Variants in SFXN5 observed in about 807,000 individuals in gnomAD.
SFXN5 encodes sideroflexin-5.
Under a neutral mutation model 50.2 loss-of-function variants are expected in SFXN5, and 43 were observed. That is an observed-to-expected ratio of 0.86 (90% confidence interval 0.67 to 1.11). The LOEUF (loss-of-function observed/expected upper bound fraction) is 1.11. Among genes scored for constraint, SFXN5 ranks in the 50% least tolerant of loss-of-function variants. The pLI, the probability that SFXN5 is intolerant of heterozygous loss-of-function variation, is 0.00. For synonymous variants in SFXN5, 203 were observed against 185.8 expected, an observed-to-expected ratio of 1.09 and a Z score of -0.75; for missense variants, 463 against 454.1, an observed-to-expected ratio of 1.02 and a Z score of -0.18.
At chr2:72,968,934 C>G (rs1177002811) in intron 11 of SFXN5, among the ~76,000 whole-genome samples, 1 of 151,988 alleles carries the variant, frequency 6.6e-6, no homozygotes, top group African/African-American at 2.4e-5. Context: ...TCCCGAGTAG[C>G]TGGGATTACA....
intron 6 of SFXN5, among the ~76,000 whole-genome samples, chr2:73,008,896 G>T (rs1022072169): frequency 4.6e-5 from 7 of 152,276 alleles, no homozygotes; most frequent in Admixed American, 3.3e-4. Flanking sequence ...ACCAGCCTCT[G>T]GGAGAAAACC....
At chr2:73,051,045 GTTCT>G (rs1681248760) in intron 2 of SFXN5, among the ~76,000 whole-genome samples, 1 of 152,070 alleles carries the variant, frequency 6.6e-6, no homozygotes, top group East Asian at 1.9e-4. Context: ...ATTTGGCCAA[GTTCT>G]TTGTCACTGT....
intron 1 of SFXN5, among the ~76,000 whole-genome samples, chr2:73,065,531 T>G (rs998205808): frequency 6.6e-6 from 1 of 152,196 alleles, no homozygotes; most frequent in Non-Finnish European, 1.5e-5. Context: ...CCTGAGTAGC[T>G]GGGATTATAG....
intron 3 of SFXN5, among the ~76,000 whole-genome samples, chr2:73,036,746 G>A (rs1442309940): frequency 6.6e-6 from 1 of 152,220 alleles, no homozygotes; most frequent in Non-Finnish European, 1.5e-5. Flanking sequence ...AGGCCATAGA[G>A]GCAGGACCCA....
intron 6 of SFXN5, among the ~76,000 whole-genome samples, chr2:73,007,700 G>A (rs920625103): frequency 2.0e-5 from 3 of 151,998 alleles, no homozygotes; most frequent in African/African-American, 4.8e-5. Context: ...ACACTGACTC[G>A]CTCAACTCCA....
chr2:73,005,802 C>T (rs2105730993), intron 6 of SFXN5, among the ~76,000 whole-genome samples: 1 of 152,234 alleles, frequency 6.6e-6, no homozygotes, highest in Non-Finnish European at 1.5e-5. Flanking sequence ...CAAAGCTGGG[C>T]CCACACCCCA....
chr2:72,949,170 G>A (rs531580989), intron 13 of SFXN5, among the ~76,000 whole-genome samples: 25 of 152,156 alleles, frequency 1.6e-4, no homozygotes, highest in Non-Finnish European at 2.6e-4. Context: ...TCTGGGAGGC[G>A]GGGCAATGTT....
chr2:73,071,490 C>A, intron 1 of SFXN5, 114 bp downstream of exon 1: 1 of 936,172 alleles, frequency 1.1e-6, no homozygotes, highest in South Asian at 1.6e-5. Context: ...GCGCTAGCTG[C>A]AGGCTCCGCT....
chr2:73,006,142 A>G (rs1674606988), intron 6 of SFXN5, among the ~76,000 whole-genome samples: 2 of 151,686 alleles, frequency 1.3e-5, no homozygotes, highest in South Asian at 4.1e-4. Context: ...CCTGCTGAGC[A>G]TCTGAGGTTG....
chr2:72,975,199 C>T lies in SFXN5; in HGVS notation c.626-3514G>A, dbSNP rs1014726156. Reference sequence around the variant, plus strand: ...TGCTGCAGATGTTCTCACATCCGACCCATTGCGATGCAAAATCATGCAGAT... The same window carrying T: ...TGCTGCAGATGTTCTCACATCCGACTCATTGCGATGCAAAATCATGCAGAT... On this transcript the variant is annotated intron_variant, in intron 10 of 13. Transcript: ENST00000272433. Among the ~76,000 whole-genome samples, 4 of 152,320 alleles carry T rather than the reference C, an allele frequency of 2.6e-5. No homozygotes were observed. In the East Asian group the frequency reaches 7.7e-4, roughly 29 times the overall value.
Position 72,991,623 on chromosome 2 carries a change from C to T in SFXN5, c.535-3275G>A, listed in dbSNP as rs114985287. Among the ~76,000 whole-genome samples the T allele has an allele frequency of 3.0e-3, 454 of 152,358 alleles. 1 individual carries two copies. The highest frequency in any genetic ancestry group is 0.01 in the African/African-American group (436 of 41,602). Reference sequence around the variant, plus strand: ...AGGACAGCCACGGCCTGAGAAGGAACCCAAGATGGCTGCAGACCAGGGGTT... The same window carrying T: ...AGGACAGCCACGGCCTGAGAAGGAATCCAAGATGGCTGCAGACCAGGGGTT... On this transcript the variant is annotated intron_variant, in intron 9 of 13. Transcript: ENST00000272433.
chr2:73,059,982 T>A, intron 1 of SFXN5: 1 of 594,740 alleles, frequency 1.7e-6, no homozygotes, highest in Non-Finnish European at 2.1e-6. Context: ...TTTAAAACTA[T>A]GTTTTCAAAC....
At chr2:73,055,347 G>A (rs1423349140) in intron 2 of SFXN5, among the ~76,000 whole-genome samples, 1 of 152,224 alleles carries the variant, frequency 6.6e-6, no homozygotes, top group African/African-American at 2.4e-5. Context: ...TCACTTGCCA[G>A]AACCATATGC....
chr2:72,951,022 C>T (rs1034831884), intron 13 of SFXN5, among the ~76,000 whole-genome samples: 2 of 152,200 alleles, frequency 1.3e-5, no homozygotes, highest in African/African-American at 4.8e-5. Flanking sequence ...ACCCAAGAGC[C>T]AGTCAACAGG....
Position 73,023,182 on chromosome 2 carries a change from G to T in SFXN5, c.276+6C>A, listed in dbSNP as rs533112444. ...GAAGGAAATAGAGAATCCAAAACTGGATTACCTGCTTGATTTTCTGTGCAC... is the reference window on the plus strand; with the variant it reads ...GAAGGAAATAGAGAATCCAAAACTGTATTACCTGCTTGATTTTCTGTGCAC... On this transcript the variant is annotated splice_donor_region_variant and intron_variant, in intron 4 of 13. Coordinates refer to ENST00000272433, the MANE Select transcript of SFXN5 (RefSeq NM_144579.3). The T allele has an allele frequency of 2.1e-5, 34 of 1,602,564 alleles. No homozygotes were observed. In the South Asian group the frequency reaches 3.8e-4, roughly 18 times the overall value.
intron 6 of SFXN5, chr2:73,019,325 C>A (rs974443071): frequency 6.6e-6 from 1 of 151,448 alleles, no homozygotes; most frequent in Admixed American, 6.6e-5. Context: ...TGCTCTGAAT[C>A]TTTATCTAAG....
At position 72,943,362 on chromosome 2, in the gene SFXN5, G is replaced by C. The variant is rs529315336; in HGVS notation, c.*1660C>G. On this transcript the variant is annotated 3_prime_UTR_variant, in exon 14 of 14. Transcript: ENST00000272433. ...AAGTCTCCCCTGAGGTGGAGACCCC[G>C]GGGGAGGGAGGCCTGGGGCTGCAGG... 6.6e-6 allele frequency: 1 copy of C among 152,382 alleles called. No individual in the cohort carries two copies. The highest frequency in any genetic ancestry group is 1.5e-5 in the Non-Finnish European group (1 of 68,180). The allele number at this position is 152,382 out of a possible 1,614,324, so 9.4% of individuals were successfully genotyped here.
chr2:73,014,436 T>C (rs2105788339), intron 6 of SFXN5, among the ~76,000 whole-genome samples: 1 of 152,276 alleles, frequency 6.6e-6, no homozygotes, highest in Non-Finnish European at 1.5e-5. Context: ...CTTATCACTG[T>C]ACCAAAACCA....
intron 6 of SFXN5, among the ~76,000 whole-genome samples, chr2:73,006,157 G>A (rs970923046): frequency 2.0e-5 from 3 of 151,004 alleles, no homozygotes; most frequent in South Asian, 2.1e-4. Context: ...AGGTTGCCAC[G>A]AGAAGACATC....
Sources: gnomAD v4.1 joint callset for allele counts (sites outside exome capture counted in the v4.1 genomes callset) on GRCh38, gnomAD v4.1.1 for gene constraint, MANE v1.5 for transcripts, NCBI Gene and HGNC (gene_info 2026-07-23, HGNC 2026-07-21) for gene names.